ASPSCR1: variants seen among roughly 807,000 people sequenced by gnomAD.
ASPSCR1 encodes ASPSCR1 tether for SLC2A4, UBX domain containing, also known as tether containing UBX domain for GLUT4.
A neutral mutation model predicts 68.9 loss-of-function variants in ASPSCR1; 55 were observed. That is an observed-to-expected ratio of 0.80 (90% CI 0.64 to 1.00). ASPSCR1 has a LOEUF of 1.00. Among genes scored for constraint, ASPSCR1 ranks in the 50% least tolerant of loss-of-function variants. ASPSCR1 has a pLI of 0.00. For missense variants in ASPSCR1, 765 were observed against 762.2 expected (o/e 1.00, Z -0.04); for synonymous variants, 352 against 332.6 (o/e 1.06, Z -0.63).
intron 5 of ASPSCR1, chr17:81,995,651 CCT>C: frequency 2.0e-6 from 1 of 492,544 alleles, no homozygotes; most frequent in South Asian, 2.2e-5. Flanking sequence ...CACGTTCCTG[CCT>C]CTCTCGCTCC....
At chr17:81,991,710 C>G (rs889574347) in intron 4 of ASPSCR1, among the ~76,000 whole-genome samples, 1 of 152,250 alleles carries the variant, frequency 6.6e-6, no homozygotes, top group African/African-American at 2.4e-5. Flanking sequence ...GGCGGCTGGG[C>G]TGTCATGTGG....
In ASPSCR1 at chr17:82,016,862, G is replaced by C; in HGVS notation, c.1468G>C (p.Val490Leu). ...AISPSAADVL[V>L]ARYMSRAAGS... Reference sequence around the variant, plus strand: ...CTCCCCATCTGCGGCCGATGTGCTGGTGGCCAGGTAAGTGCCGGTGGGTCT... The same window carrying C: ...CTCCCCATCTGCGGCCGATGTGCTGCTGGCCAGGTAAGTGCCGGTGGGTCT... Residue 490 changes from valine to leucine, a missense_variant, in exon 14 of 16, where the codon GTG becomes CTG. Physicochemically the swap from Val to Leu is conservative, Grantham distance 32 (BLOSUM62 1). Transcript: ENST00000306739. 1.2e-6 allele frequency: 2 copies of C among 1,612,488 alleles called. No homozygotes were observed. The highest frequency in any genetic ancestry group is 1.7e-6 in the Non-Finnish European group (2 of 1,179,956).
In ASPSCR1 at chr17:81,977,829, C is replaced by T. The variant is rs938208210; in HGVS notation, c.102+81C>T. The T allele has an allele frequency of 4.6e-5, 50 of 1,085,244 alleles. No homozygotes were observed. The highest frequency in any genetic ancestry group is 5.5e-5 in the Non-Finnish European group (48 of 865,854). The allele number at this position is 1,085,244 out of a possible 1,614,324, so 67.2% of individuals were successfully genotyped here. ...GCCCCGCCCATTGCGGTCGGCGTCC[C>T]GGTGTTCGGGGGCGGGGCCTCGGCG... On this transcript the variant is annotated intron_variant, in intron 1 of 15. Coordinates refer to ENST00000306739, the MANE Select transcript of ASPSCR1 (RefSeq NM_024083.4). The surrounding 1 kb of genome is among the most constrained non-coding windows in gnomAD (Gnocchi z 5.0).
Position 81,996,599 on chromosome 17 carries a change from A to G in ASPSCR1, c.686A>G (p.Gln229Arg). Residue 229 changes from glutamine to arginine, a missense_variant, in exon 7 of 16, where the codon CAG becomes CGG. Transcript: ENST00000306739. ...TCAGGGCCCTGCTGCGAGCACACTC[A>G]GGAGAAGCAGAGCACAAGGGCACCC... The part of the protein sequence containing the change: ...DTSGPCCEHT[Q>R]EKQSTRAPAA... The G allele has an allele frequency of 6.2e-7, 1 of 1,611,370 alleles. No homozygotes were observed. Among genetic ancestry groups the G allele is most frequent in the East Asian group, 2.2e-5 (1 of 44,766 alleles).
At chr17:81,998,434 G>C (rs999794952) in intron 7 of ASPSCR1, among the ~76,000 whole-genome samples, 1 of 152,132 alleles carries the variant, frequency 6.6e-6, no homozygotes, top group African/African-American at 2.4e-5. Context: ...TGCAGCGAAT[G>C]GGCCTCTGGT....
At chr17:81,991,394 G>C (rs543097423) in intron 4 of ASPSCR1, among the ~76,000 whole-genome samples, 1 of 152,330 alleles carries the variant, frequency 6.6e-6, no homozygotes, top group East Asian at 1.9e-4. Context: ...CTCCGGGAAA[G>C]CTGGGTGATT....
chr17:82,015,077 C>T, intron 12 of ASPSCR1: 1 of 1,596,994 alleles, frequency 6.3e-7, no homozygotes, highest in Non-Finnish European at 8.5e-7. Context: ...CTTTCCAGCC[C>T]CAGCTTGGTG....
chr17:81,994,693 A>C (rs2042278321), intron 4 of ASPSCR1, 128 bp from the exon 5 acceptor site: 1 of 935,356 alleles, frequency 1.1e-6, no homozygotes, highest in Non-Finnish European at 1.7e-6. Flanking sequence ...TGGGCCTGGG[A>C]CGCTGTCCTG....
chr17:81,999,107 T>G lies in ASPSCR1; in HGVS notation c.933+2261T>G, dbSNP rs946071672. On this transcript the variant is annotated intron_variant, in intron 7 of 15. Coordinates refer to ENST00000306739, the MANE Select transcript of ASPSCR1 (RefSeq NM_024083.4). The surrounding 1 kb of genome is among the most constrained non-coding windows in gnomAD (Gnocchi z 4.4). The stretch of plus-strand genomic sequence containing the variant: ...CTCACCTGCAGAACTAAGGTGTTCG[T>G]GGCATTTATGGGTTTTGTGCCAAAA... 6.6e-6 allele frequency among the ~76,000 whole-genome samples: 1 copy of G among 152,252 alleles called. No individual in the cohort carries two copies. Among genetic ancestry groups the G allele is most frequent in the Non-Finnish European group, 1.5e-5 (1 of 68,046 alleles).
intron 4 of ASPSCR1, among the ~76,000 whole-genome samples, chr17:81,991,575 A>ATCCCTGTCCG (rs2042166944): frequency 6.6e-6 from 1 of 151,994 alleles, no homozygotes; most frequent in Non-Finnish European, 1.5e-5. Flanking sequence ...GTCCCTGTTC[A>ATCCCTGTCCG]TCCCTGTCCG....
intron 1 of ASPSCR1, chr17:81,978,738 G>C: frequency 4.4e-6 from 1 of 226,360 alleles, no homozygotes; most frequent in Admixed American, 5.5e-5. Flanking sequence ...GGACCCCTTG[G>C]TGCAAGGCCA....
At chr17:82,010,508 G>A (rs1388700109) in intron 9 of ASPSCR1, among the ~76,000 whole-genome samples, 31 of 137,724 alleles carry the variant, frequency 2.3e-4, no homozygotes, top group East Asian at 1.3e-3. Context: ...CAGCCTGGGC[G>A]ACAGAGTGAG....
chr17:81,977,959 G>A lies in ASPSCR1; in HGVS notation c.102+211G>A, dbSNP rs1454697209. ...CGGGGGTCCCGAGTGGGGGCGGGGC[G>A]GTGGCGAGCCTTCCCAGGGGTGAGG... On this transcript the variant is annotated intron_variant, in intron 1 of 15. Coordinates refer to ENST00000306739, the MANE Select transcript of ASPSCR1 (RefSeq NM_024083.4). This position sits in a 1 kb window ranked among gnomAD's most constrained non-coding sequence, Gnocchi z 5.0. 9.6e-6 allele frequency: 3 copies of A among 312,728 alleles called. No homozygotes were observed. Among genetic ancestry groups the A allele is most frequent in the Non-Finnish European group, 1.7e-5 (3 of 173,932 alleles). The allele number at this position is 312,728 out of a possible 1,614,324, so 19.4% of individuals were successfully genotyped here. A position where few individuals can be genotyped will look rare whatever the true frequency, so the allele number is the denominator to read the frequency against.
In ASPSCR1 at chr17:81,999,575, C is replaced by T. The variant is rs552444461; in HGVS notation, c.933+2729C>T. ...CCGGGAGGCGGAGGTTGCAGTGAGCCGAGATCGTGCCACTGCACTCCAGCC... is the reference window on the plus strand; with the variant it reads ...CCGGGAGGCGGAGGTTGCAGTGAGCTGAGATCGTGCCACTGCACTCCAGCC... On this transcript the variant is annotated intron_variant, in intron 7 of 15. Transcript: ENST00000306739. The surrounding 1 kb of genome is among the most constrained non-coding windows in gnomAD (Gnocchi z 4.4). Among the ~76,000 whole-genome samples, 1 of 150,336 alleles carries T rather than the reference C, an allele frequency of 6.7e-6. No individual in the cohort carries two copies. Among genetic ancestry groups the T allele is most frequent in the South Asian group, 2.1e-4 (1 of 4,788 alleles).
Position 82,016,906 on chromosome 17 carries a change from G to A in ASPSCR1, c.1476-35G>A, listed in dbSNP as rs200441382. Reference sequence around the variant, plus strand: ...TGGGTCTGGGGGCACCTCCCGTGGCGGCACTCACCACTCTGTGTCTTCGCC... The same window carrying A: ...TGGGTCTGGGGGCACCTCCCGTGGCAGCACTCACCACTCTGTGTCTTCGCC... On this transcript the variant is annotated intron_variant, in intron 14 of 15. Transcript: ENST00000306739. 553 of 1,612,114 alleles carry A rather than the reference G, an allele frequency of 3.4e-4. 3 individuals carry two copies. The highest frequency in any genetic ancestry group is 5.9e-4 in the African/African-American group (44 of 75,016).
At position 81,990,540 on chromosome 17, in the gene ASPSCR1, C is replaced by T. The variant is rs1598398773; in HGVS notation, c.375-4281C>T. ...CTGGGGGACACTGCTCTCTGCCTGC[C>T]TGGTGGGCCTGTGTCTGAGTTTGGG... On this transcript the variant is annotated intron_variant, in intron 4 of 15. Coordinates refer to ENST00000306739, the MANE Select transcript of ASPSCR1 (RefSeq NM_024083.4). The surrounding 1 kb of genome is among the most constrained non-coding windows in gnomAD (Gnocchi z 4.1). Among the ~76,000 whole-genome samples the T allele has an allele frequency of 6.6e-6, 1 of 151,594 alleles. No homozygotes were observed. Among genetic ancestry groups the T allele is most frequent in the East Asian group, 1.9e-4 (1 of 5,160 alleles).
At position 82,010,825 on chromosome 17, in the gene ASPSCR1, C is replaced by T. The variant is rs779076189; in HGVS notation, c.1194C>T (p.Pro398=). Residue 398 remains proline (P), a synonymous_variant, in exon 10 of 16, where the codon CCC becomes CCT. Coordinates refer to ENST00000306739, the MANE Select transcript of ASPSCR1 (RefSeq NM_024083.4). ...YPKVALRVLF[P]DRYVLQGFFR... is the part of the protein sequence containing the mutation. ...AGGTGGCTCTGAGGGTCCTGTTCCC[C>T]GACCGCTACGTCCTACAGGGCTTCT... is the stretch of plus-strand genomic sequence containing the variant. 9.8e-5 allele frequency: 158 copies of T among 1,613,050 alleles called. No individual in the cohort carries two copies. Among genetic ancestry groups the T allele is most frequent in the Non-Finnish European group, 1.2e-4 (144 of 1,179,916 alleles).
chr17:81,982,797 CT>C (rs1354101535), intron 2 of ASPSCR1: 3 of 143,578 alleles, frequency 2.1e-5, no homozygotes, highest in African/African-American at 7.8e-5. Context: ...TTTCTCTTTT[CT>C]TTTCTTTTCT....
At chr17:81,991,808 G>T (rs1470387577) in intron 4 of ASPSCR1, among the ~76,000 whole-genome samples, 5 of 152,260 alleles carry the variant, frequency 3.3e-5, no homozygotes, top group African/African-American at 1.2e-4. Context: ...GCATGCTGCT[G>T]CCTGGGCTCT....
Sources: allele counts gnomAD v4.1 joint callset (sites outside exome capture counted in the v4.1 genomes callset), GRCh38; gene constraint gnomAD v4.1.1; non-coding constraint Gnocchi (gnomAD v3.1); transcripts MANE v1.5; gene names NCBI Gene and HGNC (gene_info 2026-07-23, HGNC 2026-07-21).